The following RGS5 variants were observed in gnomAD, a reference collection of about 807,000 sequenced individuals.
RGS5 encodes the protein regulator of G-protein signalling 5.
Under a neutral mutation model 18.9 loss-of-function variants are expected in RGS5, and 20 were observed. The observed-to-expected ratio is 1.06, with a 90% CI of 0.74 to 1.54. The LOEUF is 1.54. Among genes scored for constraint, RGS5 ranks in the 40% most tolerant of loss-of-function variants. The pLI, the probability that RGS5 is intolerant of heterozygous loss-of-function variation, is 0.00. For missense variants in RGS5, 201 were observed against 211.8 expected (o/e 0.95, Z 0.32); for synonymous variants, 57 against 76.2 (o/e 0.75, Z 1.31).
intron 2 of RGS5, chr1:163,239,045 G>T: frequency 9.4e-6 from 2 of 213,154 alleles, no homozygotes. Flanking sequence ...CGGTACCAAG[G>T]AGAGCACTGT....
chr1:163,283,157 A>G (rs566107254), intron 2 of RGS5, among the ~76,000 whole-genome samples: 2 of 152,134 alleles, frequency 1.3e-5, no homozygotes, highest in East Asian at 3.9e-4. Flanking sequence ...GGAAAGGGGG[A>G]GGTTGGTTAA....
chr1:163,291,267 T>C (rs1316897645), intron 2 of RGS5, among the ~76,000 whole-genome samples: 1 of 152,176 alleles, frequency 6.6e-6, no homozygotes, highest in Non-Finnish European at 1.5e-5. Flanking sequence ...AGTGAGAAAA[T>C]TATGGCGGCG....
rs1026995196 is a variant in RGS5 at position 163,180,686 on chromosome 1, G to GTT, written c.45-12320_45-12319dup. Among the ~76,000 whole-genome samples the GTT allele has an allele frequency of 7.7e-3, 474 of 61,952 alleles. 128 individuals carry two copies. The highest frequency in any genetic ancestry group is 0.02 in the African/African-American group (286 of 14,018). The allele number at this position is 61,952 out of a possible 152,430, so 40.6% of individuals were successfully genotyped here. A position where few individuals can be genotyped will look rare whatever the true frequency, so the allele number is the denominator to read the frequency against. Reference sequence around the variant, plus strand: ...CCCTTTGTAATAAAGCCCTTACCCTGTTTTTTTTTTTTTTTTTTTTTTTTT... The same window carrying GTT: ...CCCTTTGTAATAAAGCCCTTACCCTGTTTTTTTTTTTTTTTTTTTTTTTTTTT... On this transcript the variant is annotated intron_variant, in intron 1 of 4. Coordinates refer to ENST00000313961, the MANE Select transcript of RGS5 (RefSeq NM_003617.4).
At chr1:163,273,567 G>A (rs1459378624) in intron 2 of RGS5, among the ~76,000 whole-genome samples, 1 of 151,790 alleles carries the variant, frequency 6.6e-6, no homozygotes, top group South Asian at 2.1e-4. Flanking sequence ...GATCATTGGG[G>A]TCATTGCTAT....
chr1:163,280,891 C>T, intron 2 of RGS5, among the ~76,000 whole-genome samples: 1 of 152,112 alleles, frequency 6.6e-6, no homozygotes, highest in East Asian at 1.9e-4. Context: ...TGTGTTAGTA[C>T]ATTTGCATTA....
At chr1:163,148,444 C>T (rs1310256846) in intron 4 of RGS5, among the ~76,000 whole-genome samples, 1 of 152,124 alleles carries the variant, frequency 6.6e-6, no homozygotes, top group African/African-American at 2.4e-5. Context: ...ATTGAGTGCT[C>T]GGTCGGTGCC....
chr1:163,229,261 T>G (rs1159288041), intron 2 of RGS5, among the ~76,000 whole-genome samples: 1 of 152,156 alleles, frequency 6.6e-6, no homozygotes, highest in Non-Finnish European at 1.5e-5. Flanking sequence ...GGAAGGCATC[T>G]CTTCACAGGG....
intron 2 of RGS5, among the ~76,000 whole-genome samples, chr1:163,163,291 C>A (rs1041858929): frequency 6.6e-6 from 1 of 152,144 alleles, no homozygotes; most frequent in Non-Finnish European, 1.5e-5. Flanking sequence ...TGTGTTCACT[C>A]TTTGCAAGTT....
At chr1:163,255,514 C>G (rs528803608) in intron 2 of RGS5, among the ~76,000 whole-genome samples, 1 of 152,020 alleles carries the variant, frequency 6.6e-6, no homozygotes, top group South Asian at 2.1e-4. Context: ...GGATTCACAG[C>G]TGAATTCTAC....
At chr1:163,206,345 T>A (rs1415724728), upstream of RGS5, among the ~76,000 whole-genome samples, 1 of 152,004 alleles carries the variant, frequency 6.6e-6, no homozygotes, top group Non-Finnish European at 1.5e-5. Context: ...CAATATGGAT[T>A]CATTAAAAGT....
At chr1:163,299,368 A>G (rs1396015898) in intron 2 of RGS5, among the ~76,000 whole-genome samples, 1 of 152,198 alleles carries the variant, frequency 6.6e-6, no homozygotes, top group Non-Finnish European at 1.5e-5. Flanking sequence ...GGCTTCAGCC[A>G]TACCACAAAA....
At chr1:163,149,593 C>G (rs1425772132) in intron 4 of RGS5, among the ~76,000 whole-genome samples, 1 of 152,112 alleles carries the variant, frequency 6.6e-6, no homozygotes, top group Non-Finnish European at 1.5e-5. Context: ...GAAACAATAT[C>G]ATTTCATTAA....
At position 163,216,837 on chromosome 1, in the gene RGS5, C is replaced by A. The variant is rs537848066; in HGVS notation, c.69+689G>T. Among the ~76,000 whole-genome samples, 354 of 152,242 alleles carry A rather than the reference C, an allele frequency of 2.3e-3. 4 individuals are homozygous for A. Among genetic ancestry groups the A allele is most frequent in the Middle Eastern group, 0.014 (4 of 294 alleles). ...TACTTTAAAGTCATTCTAAATGAAA[C>A]CCAATTTGAAATAAATTTTGATTCA... is the stretch of plus-strand genomic sequence containing the variant. On this transcript the variant is annotated intron_variant, in intron 1 of 5. Transcript: ENST00000367903.
chr1:163,286,137 T>A (rs1649141929), intron 2 of RGS5, among the ~76,000 whole-genome samples: 2 of 151,784 alleles, frequency 1.3e-5, no homozygotes, highest in African/African-American at 4.8e-5. Flanking sequence ...AAACCCCCAA[T>A]AAAACAATGA....
chr1:163,247,956 A>T (rs1044563839), intron 2 of RGS5, among the ~76,000 whole-genome samples: 2 of 152,192 alleles, frequency 1.3e-5, no homozygotes, highest in African/African-American at 4.8e-5. Context: ...AACTTTGAGC[A>T]TATAATCAAT....
chr1:163,185,280 G>A (rs1659022895), intron 1 of RGS5, among the ~76,000 whole-genome samples: 1 of 151,938 alleles, frequency 6.6e-6, no homozygotes, highest in African/African-American at 2.4e-5. Context: ...ATTATTCCCT[G>A]GAGTCTTGCA....
chr1:163,193,529 T>A (rs1659440609), intron 1 of RGS5, among the ~76,000 whole-genome samples: 1 of 152,168 alleles, frequency 6.6e-6, no homozygotes, highest in African/African-American at 2.4e-5. Context: ...GCACATGGAT[T>A]AGCTGTGTTG....
rs1328261729 is a variant in RGS5 at position 163,261,299 on chromosome 1, G to A, written c.-281+44934C>T. 2.0e-5 allele frequency among the ~76,000 whole-genome samples: 3 copies of A among 152,130 alleles called. No homozygotes were observed. In the East Asian group the frequency reaches 5.8e-4, roughly 29 times the overall value. ...GGTCCTCTCTCAGTGGCTCTTCTAG[G>A]TATGGCAGTTTTCTCTACCCCTTCC... On this transcript the variant is annotated intron_variant, in intron 2 of 5. Coordinates refer to the RGS5 transcript ENST00000618415.
At chr1:163,152,356 C>A (rs758366633) in intron 4 of RGS5, 194 bp downstream of exon 4, 1 of 466,476 alleles carries the variant, frequency 2.1e-6, no homozygotes, top group Admixed American at 3.2e-5. Context: ...AACTAGAAAG[C>A]GGTCTGAACA....
Sources: gnomAD v4.1 joint callset for allele counts (sites outside exome capture counted in the v4.1 genomes callset) on GRCh38, gnomAD v4.1.1 for gene constraint, MANE v1.5 for transcripts, NCBI Gene and HGNC (gene_info 2026-07-23, HGNC 2026-07-21) for gene names.